PHF24: variants seen among roughly 807,000 people sequenced by gnomAD.
PHF24 encodes the protein PHD finger protein 24.
PHF24 carries 25 observed loss-of-function variants against 42.6 expected under a neutral mutation model. The observed-to-expected ratio is 0.59, with a 90% CI of 0.43 to 0.82. PHF24 has a LOEUF of 0.82. PHF24 is among the 40% of genes least tolerant of loss of function. The pLI is 0.00. For missense variants in PHF24, 470 were observed against 538.1 expected, an observed-to-expected ratio of 0.87 and a Z score of 1.25; for synonymous variants, 185 against 204.8, an observed-to-expected ratio of 0.90 and a Z score of 0.83.
At chr9:34,823,428 C>T in the PHF24 span, among the ~76,000 whole-genome samples, 2 of 152,076 alleles carry the variant, frequency 1.3e-5, no homozygotes, top group African/African-American at 4.8e-5. Context: ...TCCAGGAGGC[C>T]ATTTGTTAGT....
chr9:34,895,735 A>T, the PHF24 span: 2 of 403,574 alleles, frequency 5.0e-6, no homozygotes. Context: ...TCTAAACCTC[A>T]CTAGCCATCC....
the PHF24 span, among the ~76,000 whole-genome samples, chr9:34,937,176 ATGATGATAATGGCGGTTT>A: frequency 2.0e-5 from 3 of 152,350 alleles, no homozygotes; most frequent in African/African-American, 7.2e-5. Flanking sequence ...AGAACGGGCC[ATGATGATAATGGCGGTTT>A]TGTGGAATAG....
At chr9:34,675,934 CCAGA>C in the PHF24 span, among the ~76,000 whole-genome samples, 7 of 152,058 alleles carry the variant, frequency 4.6e-5, no homozygotes, top group African/African-American at 1.4e-4. Context: ...AAAGGACATT[CCAGA>C]CAGAATGAAC....
At chr9:34,767,197 C>T in the PHF24 span, among the ~76,000 whole-genome samples, 1 of 152,230 alleles carries the variant, frequency 6.6e-6, no homozygotes, top group Non-Finnish European at 1.5e-5. Flanking sequence ...CTCAGATCTC[C>T]AGCTGCATGC....
chr9:34,666,292 T>C, the PHF24 span, among the ~76,000 whole-genome samples: 13 of 151,986 alleles, frequency 8.6e-5, no homozygotes, highest in Non-Finnish European at 1.3e-4. Flanking sequence ...GAAAAGAGAG[T>C]TGGGACTAAG....
chr9:34,713,253 A>C, the PHF24 span, among the ~76,000 whole-genome samples: 2 of 152,202 alleles, frequency 1.3e-5, no homozygotes, highest in Non-Finnish European at 2.9e-5. Flanking sequence ...CTTCTGATAT[A>C]TGTGGCTCAG....
the PHF24 span, among the ~76,000 whole-genome samples, chr9:34,951,135 TC>T: frequency 6.6e-6 from 1 of 152,220 alleles, no homozygotes; most frequent in South Asian, 2.1e-4. Context: ...ATCTCACACT[TC>T]CTGTGGTTCA....
At chr9:34,800,449 G>A in the PHF24 span, among the ~76,000 whole-genome samples, 1 of 152,222 alleles carries the variant, frequency 6.6e-6, no homozygotes, top group East Asian at 1.9e-4. Context: ...AAAACAGCAT[G>A]GTACTGGTAC....
the PHF24 span, chr9:34,728,206 C>G: frequency 2.5e-6 from 2 of 793,502 alleles, no homozygotes; most frequent in Non-Finnish European, 2.0e-6. Flanking sequence ...AGTCCGTACT[C>G]TAAGGCATGT....
chr9:34,700,634 G>C, the PHF24 span, among the ~76,000 whole-genome samples: 1 of 152,104 alleles, frequency 6.6e-6, no homozygotes, highest in African/African-American at 2.4e-5. Context: ...TAGGTAGCTG[G>C]GATGAGTCTG....
chr9:34,798,083 T>C, the PHF24 span, among the ~76,000 whole-genome samples: 2 of 152,144 alleles, frequency 1.3e-5, no homozygotes, highest in Non-Finnish European at 2.9e-5. Context: ...ATGGGGGAGA[T>C]CTTTGAGGTG....
the PHF24 span, among the ~76,000 whole-genome samples, chr9:34,951,539 C>T: frequency 6.6e-6 from 1 of 152,122 alleles, no homozygotes; most frequent in African/African-American, 2.4e-5. Flanking sequence ...GAAGGGGCCA[C>T]AAGCCAAATA....
chr9:34,853,447 G>C, the PHF24 span, among the ~76,000 whole-genome samples: 9 of 152,122 alleles, frequency 5.9e-5, no homozygotes, highest in African/African-American at 2.2e-4. Context: ...TCTCTGCCAG[G>C]TTTTGGTATC....
At chr9:34,931,052 G>A in the PHF24 span, among the ~76,000 whole-genome samples, 1 of 152,156 alleles carries the variant, frequency 6.6e-6, no homozygotes, top group Non-Finnish European at 1.5e-5. Flanking sequence ...TTCATGAGAT[G>A]TGGTTGTTTA....
At chr9:34,836,020 C>T in the PHF24 span, 148 of 648,290 alleles carry the variant, frequency 2.3e-4, 4 homozygotes, top group South Asian at 1.7e-3. Flanking sequence ...TAGGATTCGC[C>T]GCACACTTCC....
rs982733483 is a variant in PHF24 at position 34,977,742 on chromosome 9, C to T, written c.1106+101C>T. The stretch of plus-strand genomic sequence containing the variant: ...CCCACTCCCACTCCAAAACAGCAAG[C>T]GCCCACCCAAGAAACCAGGCTCCAA... On this transcript the variant is annotated intron_variant, in intron 7 of 7. Coordinates refer to ENST00000242315, the Ensembl canonical transcript of PHF24. 89 of 1,051,290 alleles carry T rather than the reference C, an allele frequency of 8.5e-5. 1 individual carries two copies. The highest frequency in any genetic ancestry group is 1.3e-4 in the Admixed American group (6 of 44,626). The allele number at this position is 1,051,290 out of a possible 1,614,324, so 65.1% of individuals were successfully genotyped here.
chr9:34,701,013 C>G, the PHF24 span, among the ~76,000 whole-genome samples: 1 of 152,162 alleles, frequency 6.6e-6, no homozygotes, highest in African/African-American at 2.4e-5. This position sits in a 1 kb window ranked among gnomAD's most constrained non-coding sequence, Gnocchi z 5.8. Context: ...GGCATCAGCG[C>G]TACGTGCTTC....
the PHF24 span, among the ~76,000 whole-genome samples, chr9:34,902,126 A>T: frequency 2.0e-5 from 3 of 152,212 alleles, no homozygotes; most frequent in Non-Finnish European, 2.9e-5. Flanking sequence ...AAACATGTAG[A>T]AATGCTTTTG....
the PHF24 span, chr9:34,895,752 C>G: frequency 2.5e-6 from 1 of 402,422 alleles, no homozygotes; most frequent in Non-Finnish European, 4.4e-6. Context: ...ATCCCTCTCC[C>G]TAGTCTTTCA....
Sources: allele counts gnomAD v4.1 joint callset (sites outside exome capture counted in the v4.1 genomes callset), GRCh38; gene constraint gnomAD v4.1.1; non-coding constraint Gnocchi (gnomAD v3.1); transcripts MANE v1.5; gene names NCBI Gene and HGNC (gene_info 2026-07-23, HGNC 2026-07-21).